CCDC112: variants seen among roughly 807,000 people sequenced by gnomAD.
CCDC112 encodes the protein coiled-coil domain-containing protein 112.
Under a neutral mutation model 66.3 loss-of-function variants are expected in CCDC112, and 40 were observed. The ratio of observed to expected loss-of-function variants is 0.60; its 90% CI spans 0.47 to 0.79. The LOEUF is 0.79. Ranked by LOEUF, CCDC112 falls within the 30% of genes least tolerant of loss-of-function variation. CCDC112 has a pLI of 0.00. For synonymous variants in CCDC112, 214 were observed against 197.2 expected (o/e 1.09, Z -0.71); for missense variants, 659 against 603.8 (o/e 1.09, Z -0.96).
chr5:115,275,668 T>C, intron 5 of CCDC112, 62 bp from the exon 6 acceptor site: 1 of 1,207,580 alleles, frequency 8.3e-7, no homozygotes, highest in Admixed American at 2.6e-5. Flanking sequence ...TAATTTTCCA[T>C]CAAATTTAAG....
chr5:115,283,070 C>A (rs1749523050), intron 2 of CCDC112, among the ~76,000 whole-genome samples: 2 of 152,062 alleles, frequency 1.3e-5, no homozygotes, highest in African/African-American at 4.8e-5. Context: ...AACCTCTAAC[C>A]TAGAATCTAA....
At chr5:115,291,373 A>G (rs1038133315) in intron 1 of CCDC112, among the ~76,000 whole-genome samples, 10 of 152,026 alleles carry the variant, frequency 6.6e-5, no homozygotes, top group Non-Finnish European at 1.0e-4. Context: ...GTTTTTAGAT[A>G]TGTTTGCTAG....
chr5:115,267,839 T>C lies in CCDC112; in HGVS notation c.*37A>G, dbSNP rs1362987429. ...TCTCTCCCTGGTATAACTTAGTATG[T>C]TAACATTCTTATCAACTGAGTAGCA... On this transcript the variant is annotated 3_prime_UTR_variant, in exon 10 of 10. Transcript: ENST00000379611. 1 of 1,535,482 alleles carries C rather than the reference T, an allele frequency of 6.5e-7. No homozygotes were observed. The highest frequency in any genetic ancestry group is 9.0e-7 in the Non-Finnish European group (1 of 1,108,864).
chr5:115,272,045 C>A (rs1439686109), intron 6 of CCDC112, among the ~76,000 whole-genome samples: 2 of 151,930 alleles, frequency 1.3e-5, no homozygotes, highest in African/African-American at 2.4e-5. Context: ...CCGCCTCAGC[C>A]TCCCAAAAAG....
intron 1 of CCDC112, among the ~76,000 whole-genome samples, chr5:115,285,930 G>A (rs146507524): frequency 1.3e-5 from 2 of 152,218 alleles, no homozygotes; most frequent in African/African-American, 4.8e-5. Flanking sequence ...AGGGATTGCT[G>A]AGCAATAAAA....
intron 2 of CCDC112, among the ~76,000 whole-genome samples, chr5:115,284,006 A>T (rs1335800429): frequency 1.3e-5 from 2 of 152,158 alleles, no homozygotes; most frequent in East Asian, 1.9e-4. Context: ...TTGAAAATTT[A>T]AAATAAATGG....
chr5:115,274,004 C>G (rs1749102726), intron 6 of CCDC112, among the ~76,000 whole-genome samples: 1 of 152,150 alleles, frequency 6.6e-6, no homozygotes, highest in Non-Finnish European at 1.5e-5. Flanking sequence ...TTAGACTAAA[C>G]ATGGACTCAA....
chr5:115,280,975 A>G (rs988587879), intron 2 of CCDC112, among the ~76,000 whole-genome samples: 1 of 151,876 alleles, frequency 6.6e-6, no homozygotes, highest in Non-Finnish European at 1.5e-5. Context: ...AGAGGCAACT[A>G]TCTATACCGT....
chr5:115,294,989 T>C (rs950950250), intron 1 of CCDC112, among the ~76,000 whole-genome samples: 3 of 152,182 alleles, frequency 2.0e-5, no homozygotes, highest in Non-Finnish European at 4.4e-5. Flanking sequence ...GTATACACCA[T>C]GGTTCTCAAT....
chr5:115,274,957 G>C (rs1307831808), intron 6 of CCDC112, among the ~76,000 whole-genome samples: 1 of 152,120 alleles, frequency 6.6e-6, no homozygotes, highest in Non-Finnish European at 1.5e-5. Context: ...TGCCCAGGCT[G>C]GTCTCAAACT....
chr5:115,275,493 G>T lies in CCDC112; in HGVS notation c.641C>A (p.Ala214Glu). 6.2e-7 allele frequency: 1 copy of T among 1,613,978 alleles called. No homozygotes were observed. The highest frequency in any genetic ancestry group is 1.1e-5 in the South Asian group (1 of 91,078). The stretch of plus-strand genomic sequence containing the variant: ...GTCTACAGGAACTTTGCTTGAGATT[G>T]CTCTGAAAGCTTTCTCTGTTTCTGA... ...GNSETEKAFR[A>E]ISSKVPVDKV... Residue 214 changes from alanine to glutamate, a missense_variant, in exon 6 of 10, where the codon GCA becomes GAA. Ala to Glu is a moderately radical substitution (Grantham distance 107, BLOSUM62 -1). Coordinates refer to ENST00000379611, the MANE Select transcript of CCDC112 (RefSeq NM_001040440.3).
chr5:115,271,155 G>GT lies in CCDC112; in HGVS notation c.1332+57_1332+58insA, dbSNP rs1442808974. 4 of 1,474,160 alleles carry GT rather than the reference G, an allele frequency of 2.7e-6. No individual in the cohort carries two copies. In the African/African-American group the frequency reaches 5.7e-5, roughly 21 times the overall value. 91.3% of individuals were successfully genotyped at this position (1,474,160 alleles called of 1,614,324 possible). A position where few individuals can be genotyped will look rare whatever the true frequency, so the allele number is the denominator to read the frequency against. On this transcript the variant is annotated intron_variant, in intron 7 of 9. Transcript: ENST00000379611. ...ACTCAATTTTTGCTTAACTGAATTT[G>GT]GAAGTAATACCTCCATGTGTAGCAT...
rs1404642277 is a variant in CCDC112, at chr5:115,271,417, C to A, written c.1128G>T (p.Gln376His). 1 of 1,608,132 alleles carries A rather than the reference C, an allele frequency of 6.2e-7. No individual in the cohort carries two copies. Among genetic ancestry groups the A allele is most frequent in the Non-Finnish European group, 8.5e-7 (1 of 1,178,812 alleles). Residue 376 changes from glutamine (Q) to histidine (H), a missense_variant, in exon 7 of 10, where the codon CAG (glutamine) becomes CAT (histidine). Coordinates refer to ENST00000379611, the MANE Select transcript of CCDC112 (RefSeq NM_001040440.3). ...SIEMSMKCASQLKEEEEKEKK... is the reference protein window; with the variant it reads ...SIEMSMKCASHLKEEEEKEKK... ...TCTCTTTCTCTTCTTCTTCTTTTAA[C>A]TGGGAAGCACATTTCATTGACATTT...
At chr5:115,288,035 CATTGGTACCAT>C in intron 1 of CCDC112, among the ~76,000 whole-genome samples, 2 of 151,594 alleles carry the variant, frequency 1.3e-5, no homozygotes, top group East Asian at 3.9e-4. Flanking sequence ...GGCTGGAGTA[CATTGGTACCAT>C]ATTGGCTCGC....
chr5:115,268,437 T>A (rs1032171018), intron 9 of CCDC112, among the ~76,000 whole-genome samples: 3 of 151,128 alleles, frequency 2.0e-5, no homozygotes, highest in Non-Finnish European at 4.4e-5. Flanking sequence ...GCCTGGCTAA[T>A]TTTTTTTGTA....
chr5:115,269,517 C>A, intron 8 of CCDC112, 186 bp downstream of exon 8: 1 of 530,920 alleles, frequency 1.9e-6, no homozygotes, highest in East Asian at 3.4e-5. Context: ...GGTAAAATGA[C>A]AGAATTCAAA....
intron 1 of CCDC112, among the ~76,000 whole-genome samples, chr5:115,289,854 T>C (rs1467762664): frequency 1.3e-5 from 2 of 152,156 alleles, no homozygotes; most frequent in Non-Finnish European, 2.9e-5. Flanking sequence ...TGGCTAATTT[T>C]TGTATTTTTA....
intron 3 of CCDC112, 130 bp from the exon 4 acceptor site, chr5:115,277,184 A>G (rs1229628198): frequency 5.2e-6 from 3 of 573,962 alleles, no homozygotes; most frequent in African/African-American, 1.9e-5. Flanking sequence ...AAAGATATTT[A>G]TGTCAAAACA....
chr5:115,281,525 G>C (rs755275739), intron 2 of CCDC112, among the ~76,000 whole-genome samples: 23 of 152,292 alleles, frequency 1.5e-4, no homozygotes, highest in Non-Finnish European at 2.5e-4. Flanking sequence ...AACTCTAATG[G>C]ACTGAGTCCT....
Sources: gnomAD v4.1 joint callset for allele counts (sites outside exome capture counted in the v4.1 genomes callset) on GRCh38, gnomAD v4.1.1 for gene constraint, MANE v1.5 for transcripts, NCBI Gene and HGNC (gene_info 2026-07-23, HGNC 2026-07-21) for gene names.